Variants in TFB2M observed in about 807,000 individuals in gnomAD.
The protein encoded by TFB2M is dimethyladenosine transferase 2, mitochondrial.
In TFB2M, 44 loss-of-function variants were observed where a neutral mutation model predicts 41.3. The ratio of observed to expected loss-of-function variants is 1.07; its 90% confidence interval spans 0.84 to 1.37. The LOEUF (loss-of-function observed/expected upper bound fraction) is 1.37, where lower values mean the gene tolerates loss of function less well. Ranked by LOEUF, TFB2M falls within the 40% of genes most tolerant of loss-of-function variation. The pLI is 0.00. For synonymous variants in TFB2M, 188 were observed against 176.8 expected (o/e 1.06, Z -0.50); for missense variants, 496 against 490.2 (o/e 1.01, Z -0.11).
At chr1:246,561,059 T>C (rs918778713) in intron 2 of TFB2M, among the ~76,000 whole-genome samples, 1 of 152,202 alleles carries the variant, frequency 6.6e-6, no homozygotes, top group African/African-American at 2.4e-5. Context: ...CCAGAAGCAT[T>C]ATCCGCTAAG....
chr1:246,558,933 A>G lies in TFB2M; in HGVS notation c.403-1399T>C, dbSNP rs1444702423. ...CTTAATTCGAAGTTACAAAAAAAAA[A>G]ATCAGTAAGAAGGCATTATGTTTTT... is the stretch of plus-strand genomic sequence containing the variant. On this transcript the variant is annotated intron_variant, in intron 2 of 7. Coordinates refer to ENST00000366514, the MANE Select transcript of TFB2M (RefSeq NM_022366.3). Among the ~76,000 whole-genome samples the G allele has an allele frequency of 2.0e-5, 3 of 152,070 alleles. No homozygotes were observed. The East Asian group carries it at 5.8e-4, about 29-fold the overall frequency.
At chr1:246,563,321 G>A (rs1285852779) in intron 2 of TFB2M, among the ~76,000 whole-genome samples, 1 of 151,820 alleles carries the variant, frequency 6.6e-6, no homozygotes, top group Non-Finnish European at 1.5e-5. Context: ...TCGGAGTCAG[G>A]AGCTAGGCAT....
chr1:246,553,649 C>G (rs1659243505), intron 4 of TFB2M, among the ~76,000 whole-genome samples: 1 of 151,766 alleles, frequency 6.6e-6, no homozygotes, highest in Admixed American at 6.6e-5. Flanking sequence ...GCCTGGGCGA[C>G]AGTGAGACCC....
chr1:246,542,526 AGCTGGGCATAGT>A (rs934251487), intron 7 of TFB2M, among the ~76,000 whole-genome samples: 41 of 152,206 alleles, frequency 2.7e-4, no homozygotes, highest in African/African-American at 9.4e-4. Context: ...GTAAAAAGTT[AGCTGGGCATAGT>A]GGTGGGCATA....
intron 7 of TFB2M, among the ~76,000 whole-genome samples, chr1:246,543,706 G>T (rs1330980824): frequency 2.6e-5 from 4 of 152,266 alleles, no homozygotes; most frequent in Non-Finnish European, 5.9e-5. Flanking sequence ...GGCCAAGCAA[G>T]GTGGATTGCT....
rs1438435641 is a variant in TFB2M, at chr1:246,563,387, T to C, written c.402+959A>G. ...GGGAGGCCAAGGTGGGTGGATCACC[T>C]GAGGTCAGCAGTTCAAGACCAGCCT... On this transcript the variant is annotated intron_variant, in intron 2 of 7. Transcript: ENST00000366514. Among the ~76,000 whole-genome samples, 5 of 152,204 alleles carry C rather than the reference T, an allele frequency of 3.3e-5. No homozygotes were observed. The East Asian group carries it at 9.7e-4, about 29-fold the overall frequency.
chr1:246,556,723 T>G lies in TFB2M; in HGVS notation c.557-2A>C. 6.4e-7 allele frequency: 1 copy of G among 1,552,506 alleles called. No homozygotes were observed. The highest frequency in any genetic ancestry group is 2.4e-5 in the East Asian group (1 of 42,056). ...TTCCAACTACTTTTAAAGGGATGTCTGTTAGGAATATAAGCAAAAAGATTT... is the reference window on the plus strand; with the variant it reads ...TTCCAACTACTTTTAAAGGGATGTCGGTTAGGAATATAAGCAAAAAGATTT... On this transcript the variant is annotated splice_acceptor_variant, in intron 3 of 7. Transcript: ENST00000366514. LOFTEE classifies it high-confidence loss of function.
At chr1:246,548,470 A>T in intron 6 of TFB2M, 75 bp downstream of exon 6, 1 of 1,308,140 alleles carries the variant, frequency 7.6e-7, no homozygotes, top group Non-Finnish European at 1.1e-6. Flanking sequence ...ACAGACTACC[A>T]AATAGTCCTA....
In TFB2M at chr1:246,564,424, G is replaced by C; in HGVS notation, c.324C>G (p.Ile108Met). ...CAGCTTCAAGTAATGCCTGAGTCAG[G>C]ATTCCAGGACCTGGCACATTAACAG... Reference protein sequence around the residue: ...LLLECNPGPGILTQALLEAGA... With the variant: ...LLLECNPGPGMLTQALLEAGA... The change falls in exon 2 of 8, where the codon ATC becomes ATG. Residue 108 changes from isoleucine to methionine, a missense_variant. Coordinates refer to ENST00000366514, the MANE Select transcript of TFB2M (RefSeq NM_022366.3). The C allele has an allele frequency of 6.2e-7, 1 of 1,614,114 alleles. No homozygotes were observed. The highest frequency in any genetic ancestry group is 8.5e-7 in the Non-Finnish European group (1 of 1,179,978).
rs1289401925 is a variant in TFB2M at position 246,556,471 on chromosome 1, C to G, written c.705+102G>C. 4 of 898,456 alleles carry G rather than the reference C, an allele frequency of 4.5e-6. No homozygotes were observed. The African/African-American group carries it at 7.0e-5, about 16-fold the overall frequency. 55.7% of individuals were successfully genotyped at this position (898,456 alleles called of 1,614,324 possible). On this transcript the variant is annotated intron_variant, in intron 4 of 7. Coordinates refer to ENST00000366514, the MANE Select transcript of TFB2M (RefSeq NM_022366.3). Reference sequence around the variant, plus strand: ...GCAGAATTTAAAAACAATCTTAGACCCTCAAATGTCACGAGCCCTAAATTA... The same window carrying G: ...GCAGAATTTAAAAACAATCTTAGACGCTCAAATGTCACGAGCCCTAAATTA...
chr1:246,546,983 A>ACACACACACACACACACT (rs764498048), intron 6 of TFB2M, among the ~76,000 whole-genome samples: 147 of 127,166 alleles, frequency 1.2e-3, no homozygotes, highest in African/African-American at 4.2e-3. Context: ...ACACACACAC[A>ACACACACACACACACACT]TTTTTTTTTT....
Position 246,540,743 on chromosome 1 carries a change from A to C in TFB2M, c.*288T>G. ...TGCTCTTCAAGAAGATGCAAAAATC[A>C]GCAACAGTACAAGTGAAATATTTAA... On this transcript the variant is annotated 3_prime_UTR_variant, in exon 8 of 8. Transcript: ENST00000366514. 1 of 284,330 alleles carries C rather than the reference A, an allele frequency of 3.5e-6. No individual in the cohort carries two copies. The highest frequency in any genetic ancestry group is 6.6e-6 in the Non-Finnish European group (1 of 151,968). 17.6% of individuals were successfully genotyped at this position (284,330 alleles called of 1,614,324 possible).
At position 246,556,576 on chromosome 1, in the gene TFB2M, G is replaced by A. The variant is rs139845851; in HGVS notation, c.702C>T (p.Phe234=). Residue 234 remains phenylalanine, a synonymous_variant, in exon 4 of 8, where the codon TTC becomes TTT. Transcript: ENST00000366514. ...TAGGTATTTGTTAATAACATACCTG[G>A]AATTCTTTTTCACCAATAAACATAT... The part of the protein sequence containing the change: ...EVNMFIGEKE[F]QKLMADPGNP... The A allele has an allele frequency of 1.1e-3, 1,590 of 1,491,804 alleles. 13 individuals are homozygous for A. In the African/African-American group the frequency reaches 0.015, roughly 14 times the overall value. The allele number at this position is 1,491,804 out of a possible 1,614,324, so 92.4% of individuals were successfully genotyped here. A position where few individuals can be genotyped will look rare whatever the true frequency, so the allele number is the denominator to read the frequency against.
intron 6 of TFB2M, among the ~76,000 whole-genome samples, chr1:246,546,242 T>C (rs562917063): frequency 6.7e-6 from 1 of 149,208 alleles, no homozygotes; most frequent in South Asian, 2.1e-4. Context: ...GTCCCGGGAG[T>C]TTGAGGCTGC....
chr1:246,557,266 C>G, intron 3 of TFB2M, 115 bp downstream of exon 3: 1 of 1,198,866 alleles, frequency 8.3e-7, no homozygotes, highest in Non-Finnish European at 1.2e-6. Context: ...GAGTGAGACT[C>G]CATCTCAGAA....
chr1:246,542,783 A>G (rs1658897840), intron 7 of TFB2M, among the ~76,000 whole-genome samples: 1 of 152,008 alleles, frequency 6.6e-6, no homozygotes, highest in Admixed American at 6.6e-5. Flanking sequence ...TACAACATTT[A>G]TTCCTTATTT....
chr1:246,565,886 C>G lies in TFB2M; in HGVS notation c.253G>C (p.Ala85Pro). ...CTTGGTTTTCCCAAATAGATTTGCG[C>G]CAGGGTCTCAGCCAATCTCCGATCG... ...VTDRRLAETLAQIYLGKPSRP... is the reference protein window; with the variant it reads ...VTDRRLAETLPQIYLGKPSRP... Residue 85 changes from alanine to proline, a missense_variant, in exon 1 of 8, where the codon GCG becomes CCG. Coordinates refer to ENST00000366514, the MANE Select transcript of TFB2M (RefSeq NM_022366.3). 1 of 1,611,378 alleles carries G rather than the reference C, an allele frequency of 6.2e-7. No homozygotes were observed. The highest frequency in any genetic ancestry group is 2.2e-5 in the East Asian group (1 of 44,788).
chr1:246,562,606 G>C (rs1249078659), intron 2 of TFB2M, among the ~76,000 whole-genome samples: 2 of 152,098 alleles, frequency 1.3e-5, no homozygotes, highest in African/African-American at 2.4e-5. Flanking sequence ...AAAAATCGAA[G>C]GGAGTCATCT....
chr1:246,541,134 A>G lies in TFB2M; in HGVS notation c.1088T>C (p.Val363Ala), dbSNP rs1343542825. The stretch of plus-strand genomic sequence containing the variant: ...TTTGAAGTCTTGAGGGTGCATGTTA[A>G]CTACTTTCTCATCCTCCTGTTTTCC... ...QIGKQEDEKV[V>A]NMHPQDFKTL... The change falls in exon 8 of 8, where the codon GTT becomes GCT. Residue 363 changes from valine to alanine, a missense_variant. By Grantham distance (64) the Val-to-Ala change is moderately conservative (BLOSUM62 0). Transcript: ENST00000366514. 6.2e-7 allele frequency: 1 copy of G among 1,614,156 alleles called. No homozygotes were observed.
Sources: allele counts gnomAD v4.1 joint callset (sites outside exome capture counted in the v4.1 genomes callset), GRCh38; gene constraint gnomAD v4.1.1; transcripts MANE v1.5; gene names NCBI Gene and HGNC (gene_info 2026-07-23, HGNC 2026-07-21).